Variants in GRM5 observed in about 807,000 individuals in gnomAD.
GRM5 encodes glutamate metabotropic receptor 5, also known as metabotropic glutamate receptor 5.
In GRM5, 19 loss-of-function variants were observed where a neutral mutation model predicts 83.1. The observed-to-expected ratio is 0.23, with a 90% confidence interval of 0.16 to 0.34. GRM5 has a LOEUF of 0.34. Among genes scored for constraint, GRM5 ranks in the 10% least tolerant of loss-of-function variants. The pLI is 1.00. For missense variants in GRM5, 1,160 were observed against 1,588.3 expected, an observed-to-expected ratio of 0.73 and a Z score of 4.58; for synonymous variants, 675 against 633.6, an observed-to-expected ratio of 1.07 and a Z score of -0.98.
intron 2 of GRM5, among the ~76,000 whole-genome samples, chr11:88,987,360 C>A (rs532291671): frequency 6.6e-6 from 1 of 151,634 alleles, no homozygotes; most frequent in African/African-American, 2.4e-5. Flanking sequence ...GAGGGTCCTA[C>A]GCCCACGGAG....
At chr11:88,756,632 A>G (rs1289851798) in intron 3 of GRM5, among the ~76,000 whole-genome samples, 2 of 152,174 alleles carry the variant, frequency 1.3e-5, no homozygotes, top group Admixed American at 6.5e-5. Context: ...ACTATAAATT[A>G]TAAACTATAA....
At chr11:89,052,080 T>A (rs1296004795) in intron 1 of GRM5, among the ~76,000 whole-genome samples, 1 of 152,208 alleles carries the variant, frequency 6.6e-6, no homozygotes, top group East Asian at 1.9e-4. Flanking sequence ...TAGGGTAGAC[T>A]AGCACATAAA....
intron 3 of GRM5, among the ~76,000 whole-genome samples, chr11:88,837,266 T>C (rs986347056): frequency 1.3e-5 from 2 of 152,216 alleles, no homozygotes; most frequent in African/African-American, 4.8e-5. Flanking sequence ...GAGATGGTTT[T>C]CCAGAATGGT....
At chr11:88,831,639 T>A (rs1407509992) in intron 3 of GRM5, among the ~76,000 whole-genome samples, 2 of 152,042 alleles carry the variant, frequency 1.3e-5, no homozygotes, top group Non-Finnish European at 2.9e-5. Flanking sequence ...ATCCACCACC[T>A]CTCATGGTGC....
intron 4 of GRM5, among the ~76,000 whole-genome samples, chr11:88,624,138 A>C (rs1385007721): frequency 6.6e-6 from 1 of 152,216 alleles, no homozygotes; most frequent in African/African-American, 2.4e-5. Flanking sequence ...TACATTATTC[A>C]ACTTTATATC....
intron 2 of GRM5, among the ~76,000 whole-genome samples, chr11:88,878,554 C>T (rs377554398): frequency 7.7e-4 from 117 of 152,242 alleles, no homozygotes; most frequent in Middle Eastern, 3.4e-3. Flanking sequence ...AGGCTGGCAA[C>T]GGAGAAAGAT....
intron 2 of GRM5, among the ~76,000 whole-genome samples, chr11:89,039,492 C>G (rs1277005075): frequency 6.6e-6 from 1 of 151,946 alleles, no homozygotes; most frequent in East Asian, 1.9e-4. Context: ...AACTCACTAT[C>G]TCCTAAGAGT....
At chr11:88,746,210 A>C (rs1389082707) in intron 3 of GRM5, among the ~76,000 whole-genome samples, 1 of 152,130 alleles carries the variant, frequency 6.6e-6, no homozygotes, top group South Asian at 2.1e-4. Flanking sequence ...CTCTAGGAAT[A>C]GCATCATCAT....
intron 2 of GRM5, among the ~76,000 whole-genome samples, chr11:88,902,937 C>A (rs1176864351): frequency 4.0e-5 from 4 of 99,356 alleles, no homozygotes; most frequent in Non-Finnish European, 5.4e-5. Flanking sequence ...GGCGACAGAC[C>A]AAGACTCCAT....
At chr11:88,670,432 A>G (rs943917611) in intron 3 of GRM5, among the ~76,000 whole-genome samples, 1 of 151,912 alleles carries the variant, frequency 6.6e-6, no homozygotes, top group Non-Finnish European at 1.5e-5. Flanking sequence ...GAAAGACACC[A>G]CTAATTGAAT....
intron 4 of GRM5, among the ~76,000 whole-genome samples, chr11:88,648,764 T>C (rs1043952667): frequency 4.6e-5 from 7 of 151,884 alleles, no homozygotes; most frequent in Non-Finnish European, 1.0e-4. Flanking sequence ...TAGTTGGCCT[T>C]TTCCTGAAGA....
chr11:88,993,109 C>T (rs1940041962), intron 2 of GRM5, among the ~76,000 whole-genome samples: 1 of 150,902 alleles, frequency 6.6e-6, no homozygotes, highest in South Asian at 2.1e-4. Context: ...ACTGAAAATA[C>T]AAAAAAATTA....
intron 8 of GRM5, among the ~76,000 whole-genome samples, chr11:88,559,341 GT>G (rs1942703853): frequency 6.6e-6 from 1 of 152,134 alleles, no homozygotes; most frequent in African/African-American, 2.4e-5. Flanking sequence ...TGCCATGTTT[GT>G]CATAAGGGCT....
intron 7 of GRM5, among the ~76,000 whole-genome samples, chr11:88,570,090 T>C (rs1200065840): frequency 6.6e-6 from 1 of 152,120 alleles, no homozygotes; most frequent in Non-Finnish European, 1.5e-5. Flanking sequence ...TTCTTCCCCT[T>C]ATTTCTGCCC....
chr11:88,848,022 G>A (rs1382379371), intron 3 of GRM5, among the ~76,000 whole-genome samples: 1 of 152,164 alleles, frequency 6.6e-6, no homozygotes, highest in East Asian at 1.9e-4. Flanking sequence ...GCTGGCAAAT[G>A]GAGCAGATAG....
intron 4 of GRM5, among the ~76,000 whole-genome samples, chr11:88,638,329 A>G (rs1187264339): frequency 2.6e-5 from 4 of 152,056 alleles, no homozygotes; most frequent in Non-Finnish European, 4.4e-5. Context: ...AAAAAAAGGT[A>G]TTATTAGATT....
At chr11:89,038,004 AT>A (rs1228500234) in intron 2 of GRM5, among the ~76,000 whole-genome samples, 3 of 152,158 alleles carry the variant, frequency 2.0e-5, no homozygotes, top group Non-Finnish European at 4.4e-5. Flanking sequence ...GTTGATATTT[AT>A]ATTTTACTCT....
chr11:88,524,214 C>CTTTCTT (rs1555060035), intron 9 of GRM5, among the ~76,000 whole-genome samples: 18 of 101,406 alleles, frequency 1.8e-4, no homozygotes, highest in Admixed American at 6.0e-4. Context: ...TTCTTTCTTT[C>CTTTCTT]TTTTTTTTTT....
At chr11:89,051,324 A>G (rs748346779) in intron 1 of GRM5, among the ~76,000 whole-genome samples, 3 of 151,948 alleles carry the variant, frequency 2.0e-5, no homozygotes, top group Admixed American at 1.3e-4. Flanking sequence ...TGCCTACAAC[A>G]TGAAGAACAT....
Sources: gnomAD v4.1 joint callset for allele counts (sites outside exome capture counted in the v4.1 genomes callset) on GRCh38, gnomAD v4.1.1 for gene constraint, MANE v1.5 for transcripts, NCBI Gene and HGNC (gene_info 2026-07-23, HGNC 2026-07-21) for gene names.